CRB2: variants seen among roughly 807,000 people sequenced by gnomAD.
The protein encoded by CRB2 is crumbs cell polarity complex component 2.
A neutral mutation model predicts 110.9 loss-of-function variants in CRB2; 85 were observed. The observed-to-expected ratio is 0.77, with a 90% CI of 0.64 to 0.92. The LOEUF (loss-of-function observed/expected upper bound fraction) is 0.92. Among genes scored for constraint, CRB2 ranks in the 40% least tolerant of loss-of-function variants. The pLI is 0.00. For synonymous variants in CRB2, 907 were observed against 831.0 expected (o/e 1.09, Z -1.57); for missense variants, 1,843 against 1,851.3 (o/e 1.00, Z 0.08).
chr9:123,357,538 G>A (rs2041813969), intron 1 of CRB2, among the ~76,000 whole-genome samples: 1 of 152,138 alleles, frequency 6.6e-6, no homozygotes. Flanking sequence ...TTGCAGTGAA[G>A]GAAACCAAGG....
chr9:123,377,308 T>C lies in CRB2; in HGVS notation c.*246T>C. On this transcript the variant is annotated 3_prime_UTR_variant, in exon 13 of 13. Coordinates refer to ENST00000373631, the MANE Select transcript of CRB2 (RefSeq NM_173689.7). ...GGTTCCGCCTTGGCAGGTGTACGGC[T>C]GTGCGTGGGAGGGCACACGTGGGTT... 1.9e-6 allele frequency: 1 copy of C among 516,124 alleles called. No individual in the cohort carries two copies. The allele number at this position is 516,124 out of a possible 1,614,324, so 32.0% of individuals were successfully genotyped here. A position where few individuals can be genotyped will look rare whatever the true frequency, so the allele number is the denominator to read the frequency against.
intron 10 of CRB2, 127 bp from the exon 11 acceptor site, chr9:123,374,452 T>G (rs2042072452): frequency 1.5e-6 from 1 of 689,392 alleles, no homozygotes; most frequent in African/African-American, 1.8e-5. Context: ...CTCAATCCCA[T>G]GCCCAATAGA....
intron 5 of CRB2, 86 bp downstream of exon 5, chr9:123,367,443 CCCACCCCACA>C: frequency 1.0e-6 from 1 of 991,672 alleles, no homozygotes; most frequent in Non-Finnish European, 1.4e-6. Context: ...CCCCCACCCC[CCCACCCCACA>C]CCCCACACCC....
chr9:123,367,648 C>A lies in CRB2; in HGVS notation c.1016C>A (p.Pro339His). 6.4e-7 allele frequency: 1 copy of A among 1,567,630 alleles called. No homozygotes were observed. The highest frequency in any genetic ancestry group is 8.6e-7 in the Non-Finnish European group (1 of 1,156,934). ...AACGGAGGCCACTGCCAGGACCTGCCCAATGGCTTCCAGTGTCACTGCCCA... is the reference window on the plus strand; with the variant it reads ...AACGGAGGCCACTGCCAGGACCTGCACAATGGCTTCCAGTGTCACTGCCCA... ...CLNGGHCQDL[P>H]NGFQCHCPDG... The change falls in exon 6 of 13, where the codon CCC becomes CAC. Residue 339 changes from proline to histidine, a missense_variant. Pro to His is a moderately conservative substitution (Grantham distance 77). Coordinates refer to ENST00000373631, the MANE Select transcript of CRB2 (RefSeq NM_173689.7).
At position 123,376,821 on chromosome 9, in the gene CRB2, T is replaced by G. The variant is rs1328861352; in HGVS notation, c.3634-17T>G. 1.3e-6 allele frequency: 2 copies of G among 1,596,884 alleles called. No individual in the cohort carries two copies. Among genetic ancestry groups the G allele is most frequent in the African/African-American group, 2.7e-5 (2 of 74,602 alleles). Reference sequence around the variant, plus strand: ...CCTTCTCTGCGGTCTTAGGCCTCGGTGTCGTGTCTCTTGCAGAAGGGCCTG... The same window carrying G: ...CCTTCTCTGCGGTCTTAGGCCTCGGGGTCGTGTCTCTTGCAGAAGGGCCTG... On this transcript the variant is annotated splice_polypyrimidine_tract_variant and intron_variant, in intron 12 of 12. Coordinates refer to ENST00000373631, the MANE Select transcript of CRB2 (RefSeq NM_173689.7).
intron 12 of CRB2, among the ~76,000 whole-genome samples, chr9:123,375,548 G>A (rs754731941): frequency 9.9e-5 from 15 of 152,170 alleles, no homozygotes; most frequent in Non-Finnish European, 8.8e-5. Context: ...GGCTGTCACC[G>A]TCTATTGACA....
Position 123,359,451 on chromosome 9 carries a change from T to G in CRB2, c.94+3097T>G, listed in dbSNP as rs969748279. On this transcript the variant is annotated intron_variant, in intron 1 of 12. Coordinates refer to ENST00000373631, the MANE Select transcript of CRB2 (RefSeq NM_173689.7). ...TTTCGTTTTTGTTTTGTTTTTTTTT[T>G]TTTTTTTTTTTTTTTAAGAAAGGGT... 3.9e-4 allele frequency among the ~76,000 whole-genome samples: 53 copies of G among 134,342 alleles called. 1 individual carries two copies. The highest frequency in any genetic ancestry group is 1.4e-3 in the African/African-American group (46 of 33,192). 88.1% of individuals were successfully genotyped at this position (134,342 alleles called of 152,430 possible). A position where few individuals can be genotyped will look rare whatever the true frequency, so the allele number is the denominator to read the frequency against.
chr9:123,372,170 C>T lies in CRB2; in HGVS notation c.2437-7C>T. 5.0e-6 allele frequency: 8 copies of T among 1,614,022 alleles called. No homozygotes were observed. Among genetic ancestry groups the T allele is most frequent in the Non-Finnish European group, 6.8e-6 (8 of 1,179,968 alleles). On this transcript the variant is annotated splice_region_variant and splice_polypyrimidine_tract_variant and intron_variant, in intron 8 of 12. Transcript: ENST00000373631. ...CTGAGCCAACCCCTGCCCTGCCTCTCCCACAGCCTGACCCCTGTTTCAATG... is the reference window on the plus strand; with the variant it reads ...CTGAGCCAACCCCTGCCCTGCCTCTTCCACAGCCTGACCCCTGTTTCAATG...
At chr9:123,358,595 A>G (rs1011084121) in intron 1 of CRB2, among the ~76,000 whole-genome samples, 1 of 152,220 alleles carries the variant, frequency 6.6e-6, no homozygotes, top group Non-Finnish European at 1.5e-5. Context: ...GCACTGTGCT[A>G]TTATTAACGA....
At chr9:123,362,292 C>T (rs1217174619) in intron 1 of CRB2, among the ~76,000 whole-genome samples, 1 of 152,200 alleles carries the variant, frequency 6.6e-6, no homozygotes, top group Non-Finnish European at 1.5e-5. Context: ...TACCAGACCC[C>T]TGGCAGAAGA....
rs540296182 is a variant in CRB2 at position 123,372,471 on chromosome 9, G to A, written c.2602+129G>A. 9.2e-5 allele frequency: 111 copies of A among 1,201,584 alleles called. 1 individual carries two copies. The South Asian group carries it at 1.1e-3, about 12-fold the overall frequency. The allele number at this position is 1,201,584 out of a possible 1,614,324, so 74.4% of individuals were successfully genotyped here. On this transcript the variant is annotated intron_variant, in intron 9 of 12. Coordinates refer to ENST00000373631, the MANE Select transcript of CRB2 (RefSeq NM_173689.7). ...ATGCCAAGCCCTAGGGCAGTGTGGCGGGGCCACCGCATGTAGAGGGACAGA... is the reference window on the plus strand; with the variant it reads ...ATGCCAAGCCCTAGGGCAGTGTGGCAGGGCCACCGCATGTAGAGGGACAGA...
In CRB2 at chr9:123,371,566, G is replaced by A. The variant is rs199628099; in HGVS notation, c.2424G>A (p.Glu808=). The change falls in exon 8 of 13, where the codon GAG becomes GAA. Residue 808 remains glutamate, a synonymous_variant. Transcript: ENST00000373631. ...ACCTCACTGCGGGCTGCGTCTCCGA[G>A]GACATGTGCAGTGTAAGTGTCTGGT... ...SWNLTAGCVS[E]DMCSPDPCFN... 4.3e-6 allele frequency: 7 copies of A among 1,612,752 alleles called. No homozygotes were observed. The African/African-American group carries it at 9.3e-5, about 22-fold the overall frequency.
At chr9:123,368,012 C>A (rs571407557) in intron 6 of CRB2, among the ~76,000 whole-genome samples, 11 of 151,992 alleles carry the variant, frequency 7.2e-5, no homozygotes, top group Admixed American at 6.5e-4. Context: ...AGTTAGGGGG[C>A]AGCATCTGTA....
chr9:123,370,915 T>A lies in CRB2; in HGVS notation c.1862T>A (p.Val621Glu). 1 of 1,613,090 alleles carries A rather than the reference T, an allele frequency of 6.2e-7. No individual in the cohort carries two copies. The highest frequency in any genetic ancestry group is 8.5e-7 in the Non-Finnish European group (1 of 1,179,742). ...PLPCVHGGSC[V>E]DLWTHFRCDC... ...CCTTGTGTCCACGGAGGGTCCTGTG[T>A]GGATCTGTGGACTCATTTCCGTTGC... is the stretch of plus-strand genomic sequence containing the variant. Residue 621 changes from valine (V) to glutamate (E), a missense_variant, in exon 7 of 13, where the codon GTG becomes GAG. By Grantham distance (121) the Val-to-Glu change is moderately radical. Transcript: ENST00000373631.
At position 123,373,705 on chromosome 9, in the gene CRB2, C is replaced by T. The variant is rs373493381; in HGVS notation, c.3174C>T (p.Pro1058=). 2 of 1,508,982 alleles carry T rather than the reference C, an allele frequency of 1.3e-6. No individual in the cohort carries two copies. Among genetic ancestry groups the T allele is most frequent in the East Asian group, 2.8e-5 (1 of 36,248 alleles). 93.5% of individuals were successfully genotyped at this position (1,508,982 alleles called of 1,614,324 possible). A position where few individuals can be genotyped will look rare whatever the true frequency, so the allele number is the denominator to read the frequency against. Residue 1058 remains proline (P), a synonymous_variant, in exon 10 of 13, where the codon CCC becomes CCT. Transcript: ENST00000373631. ...CGATCCTCGGCTGCCGCGGCGCGCC[C>T]GTGTGTGCGCCCTCGCCCTGTCTGC... ...PAPILGCRGA[P]VCAPSPCLHD...
At chr9:123,373,977 C>A (rs1298870413) in intron 10 of CRB2, 57 bp downstream of exon 10, 1 of 1,547,714 alleles carries the variant, frequency 6.5e-7, no homozygotes. Flanking sequence ...TATGGTGGGG[C>A]AGAGAAGTCT....
chr9:123,371,427 C>T lies in CRB2; in HGVS notation c.2285C>T (p.Pro762Leu), dbSNP rs762413861. Residue 762 changes from proline to leucine, a missense_variant, in exon 8 of 13, where the codon CCC (proline) becomes CTC (leucine). Physicochemically the swap from Pro to Leu is moderately conservative, Grantham distance 98. Coordinates refer to ENST00000373631, the MANE Select transcript of CRB2 (RefSeq NM_173689.7). ...GCCGACAGCCAGCCCTGGGGTGGGC[C>T]CTTCCGAGGCTGCCTCCAGGACCTG... The part of the protein sequence containing the change: ...LAADSQPWGG[P>L]FRGCLQDLRL... 6.2e-7 allele frequency: 1 copy of T among 1,612,594 alleles called. No individual in the cohort carries two copies. Among genetic ancestry groups the T allele is most frequent in the Non-Finnish European group, 8.5e-7 (1 of 1,179,826 alleles).
At position 123,363,189 on chromosome 9, in the gene CRB2, G is replaced by A. The variant is rs766843579; in HGVS notation, c.418+1G>A. The A allele has an allele frequency of 6.3e-7, 1 of 1,597,226 alleles. No homozygotes were observed. Among genetic ancestry groups the A allele is most frequent in the Non-Finnish European group, 8.5e-7 (1 of 1,170,538 alleles). On this transcript the variant is annotated splice_donor_variant, in intron 2 of 12. Transcript: ENST00000373631. LOFTEE classifies it high-confidence loss of function. ...TGCCATTGCCCCCTTGGCTATGCAG[G>A]TAACAGCCTGGGCCGCCCTGGGAGG...
At position 123,372,209 on chromosome 9, in the gene CRB2, C is replaced by A; in HGVS notation, c.2469C>A (p.Leu823=). 1 of 1,614,092 alleles carries A rather than the reference C, an allele frequency of 6.2e-7. No homozygotes were observed. Among genetic ancestry groups the A allele is most frequent in the Non-Finnish European group, 8.5e-7 (1 of 1,180,018 alleles). The change falls in exon 9 of 13, where the codon CTC becomes CTA. Residue 823 remains leucine, a synonymous_variant. Coordinates refer to ENST00000373631, the MANE Select transcript of CRB2 (RefSeq NM_173689.7). The part of the protein sequence containing the change: ...PDPCFNGGTC[L]VTWNDFHCTC... The stretch of plus-strand genomic sequence containing the variant: ...CCTGTTTCAATGGTGGGACTTGCCT[C>A]GTCACCTGGAATGACTTCCACTGTA...
Sources: gnomAD v4.1 joint callset for allele counts (sites outside exome capture counted in the v4.1 genomes callset) on GRCh38, gnomAD v4.1.1 for gene constraint, MANE v1.5 for transcripts, NCBI Gene and HGNC (gene_info 2026-07-23, HGNC 2026-07-21) for gene names.